The following PRIM2 variants were observed in gnomAD, a reference collection of about 807,000 sequenced individuals.
PRIM2 encodes DNA primase large subunit.
Under a neutral mutation model 67.3 loss-of-function variants are expected in PRIM2, and 39 were observed. The observed-to-expected ratio is 0.58, with a 90% CI of 0.45 to 0.76. The LOEUF (loss-of-function observed/expected upper bound fraction) is 0.76, where lower values mean the gene tolerates loss of function less well. Ranked by LOEUF, PRIM2 falls within the 30% of genes least tolerant of loss-of-function variation. The pLI, the probability that PRIM2 is intolerant of heterozygous loss-of-function variation, is 0.00. For missense variants in PRIM2, 398 were observed against 598.7 expected (o/e 0.66, Z 3.50); for synonymous variants, 143 against 198.7 (o/e 0.72, Z 2.36).
the PRIM2 span, among the ~76,000 whole-genome samples, chr6:57,260,878 T>C: frequency 6.6e-6 from 1 of 152,114 alleles, no homozygotes; most frequent in East Asian, 1.9e-4. Flanking sequence ...AAATCAAGAA[T>C]TCTAACAGAA....
At chr6:57,378,861 T>C (rs1189968511) in intron 5 of PRIM2, among the ~76,000 whole-genome samples, 2 of 152,216 alleles carry the variant, frequency 1.3e-5, no homozygotes, top group Non-Finnish European at 2.9e-5. Flanking sequence ...TAATATAGCC[T>C]GTTTTACTGA....
At chr6:57,462,212 TTAAAA>T (rs1347552593) in intron 7 of PRIM2, among the ~76,000 whole-genome samples, 13 of 152,064 alleles carry the variant, frequency 8.5e-5, no homozygotes, top group Admixed American at 8.5e-4. Flanking sequence ...TGGTAAAAGA[TTAAAA>T]TAAAACCTAA....
the PRIM2 span, among the ~76,000 whole-genome samples, chr6:57,309,139 CTT>C: frequency 4.9e-5 from 7 of 142,352 alleles, no homozygotes; most frequent in African/African-American, 1.8e-4. Flanking sequence ...GGTGATGACT[CTT>C]TTTTTTTTTT....
chr6:57,226,629 G>C, the PRIM2 span, among the ~76,000 whole-genome samples: 2 of 152,316 alleles, frequency 1.3e-5, no homozygotes, highest in South Asian at 4.1e-4. Context: ...GCACAGACTA[G>C]GAGATCCACT....
At chr6:57,461,383 A>C (rs1185487605) in intron 7 of PRIM2, among the ~76,000 whole-genome samples, 1 of 152,188 alleles carries the variant, frequency 6.6e-6, no homozygotes, top group Admixed American at 6.5e-5. Context: ...TGTCAAGGGC[A>C]CTGCAATTAG....
At chr6:57,509,684 A>G (rs1774320875) in intron 8 of PRIM2, among the ~76,000 whole-genome samples, 1 of 152,052 alleles carries the variant, frequency 6.6e-6, no homozygotes, top group Non-Finnish European at 1.5e-5. Context: ...AGTTCCTTCA[A>G]CACAACATGC....
At chr6:57,600,897 C>CT (rs1481308802) in intron 10 of PRIM2, among the ~76,000 whole-genome samples, 196 bp from the exon 11 acceptor site, 1 of 151,918 alleles carries the variant, frequency 6.6e-6, no homozygotes, top group African/African-American at 2.4e-5. Flanking sequence ...AGTTTTGTAC[C>CT]TTTTTTTAAA....
At chr6:57,554,444 C>T (rs1775468494) in intron 10 of PRIM2, among the ~76,000 whole-genome samples, 1 of 149,360 alleles carries the variant, frequency 6.7e-6, no homozygotes, top group African/African-American at 2.5e-5. Flanking sequence ...TTTTAGTACA[C>T]TAGGGATGAA....
intron 10 of PRIM2, among the ~76,000 whole-genome samples, chr6:57,555,691 G>A (rs1275554757): frequency 1.3e-5 from 2 of 152,126 alleles, no homozygotes; most frequent in Non-Finnish European, 2.9e-5. Context: ...TTTACTGCTA[G>A]GTAGAAGCTC....
intron 10 of PRIM2, among the ~76,000 whole-genome samples, chr6:57,543,871 A>G (rs1253345463): frequency 1.3e-5 from 2 of 152,220 alleles, no homozygotes; most frequent in South Asian, 2.1e-4. Flanking sequence ...CATCCAAAGT[A>G]TAAATATTAA....
intron 11 of PRIM2, among the ~76,000 whole-genome samples, chr6:57,604,646 T>C (rs2127492450): frequency 6.6e-6 from 1 of 152,096 alleles, no homozygotes; most frequent in South Asian, 2.1e-4. Flanking sequence ...TCCTTTGGTA[T>C]CTAGTTTTTT....
In PRIM2 at chr6:57,561,392, C is replaced by A. The variant is rs1247348569; in HGVS notation, c.1020+23767C>A. Reference sequence around the variant, plus strand: ...GACTACAGGCGCACGCCGCCACACCCGGCTGATTTTTTGTATTTTAGTAGA... The same window carrying A: ...GACTACAGGCGCACGCCGCCACACCAGGCTGATTTTTTGTATTTTAGTAGA... On this transcript the variant is annotated intron_variant, in intron 10 of 13. Transcript: ENST00000615550. Among the ~76,000 whole-genome samples the A allele has an allele frequency of 7.9e-4, 120 of 152,206 alleles. 4 individuals carry two copies. In the South Asian group the frequency reaches 0.024, roughly 30 times the overall value.
At chr6:57,542,939 A>ATTTTTGTTTTTTTTTTTTTTTT in intron 10 of PRIM2, among the ~76,000 whole-genome samples, 1 of 71,930 alleles carries the variant, frequency 1.4e-5, no homozygotes. Context: ...TGCTTATAGG[A>ATTTTTGTTTTTTTTTTTTTTTT]TTTTTTTTTT....
At chr6:57,493,302 C>T (rs1445510175) in intron 7 of PRIM2, among the ~76,000 whole-genome samples, 4 of 152,158 alleles carry the variant, frequency 2.6e-5, no homozygotes, top group East Asian at 1.9e-4. Flanking sequence ...CTTTGTTGCC[C>T]GTATGTTTAC....
At chr6:57,252,448 C>CA in the PRIM2 span, among the ~76,000 whole-genome samples, 1 of 149,358 alleles carries the variant, frequency 6.7e-6, no homozygotes, top group Non-Finnish European at 1.5e-5. Context: ...CCTTCTTTTT[C>CA]TTTTTTTTTT....
chr6:57,393,162 G>A (rs1770412200), intron 7 of PRIM2, among the ~76,000 whole-genome samples: 2 of 148,976 alleles, frequency 1.3e-5, no homozygotes, highest in Admixed American at 6.6e-5. Context: ...TTTTCCTCTG[G>A]TAGATACCCA....
chr6:57,408,792 A>C (rs1176637535), intron 7 of PRIM2, among the ~76,000 whole-genome samples: 1 of 151,846 alleles, frequency 6.6e-6, no homozygotes, highest in Non-Finnish European at 1.5e-5. Flanking sequence ...GCTCATTGCA[A>C]CCTTGATCTC....
rs1251249531 is a variant in PRIM2 at position 57,553,466 on chromosome 6, T to C, written c.1020+15841T>C. Among the ~76,000 whole-genome samples, 4 of 152,160 alleles carry C rather than the reference T, an allele frequency of 2.6e-5. No individual in the cohort carries two copies. The South Asian group carries it at 8.3e-4, about 31-fold the overall frequency. ...TTTTAATTAGTGTATTTGAATATAA[T>C]GTTCACTAATGAGAATGATCTCAAG... On this transcript the variant is annotated intron_variant, in intron 10 of 13. Transcript: ENST00000615550.
intron 13 of PRIM2, 76 bp from the exon 14 acceptor site, chr6:57,645,852 C>T (rs1777325330): frequency 1.3e-6 from 1 of 785,222 alleles, no homozygotes; most frequent in Non-Finnish European, 2.1e-6. Flanking sequence ...TAAACAAGTA[C>T]TAAAACAGCT....
Sources: gnomAD v4.1 joint callset for allele counts (sites outside exome capture counted in the v4.1 genomes callset) on GRCh38, gnomAD v4.1.1 for gene constraint, MANE v1.5 for transcripts, NCBI Gene and HGNC (gene_info 2026-07-23, HGNC 2026-07-21) for gene names.